Variants in KCNIP4 observed in about 807,000 individuals in gnomAD.
KCNIP4 encodes potassium voltage-gated channel interacting protein 4.
KCNIP4 carries 12 observed loss-of-function variants against 34.0 expected under a neutral mutation model. The observed-to-expected ratio is 0.35, with a 90% CI of 0.23 to 0.57. The LOEUF (loss-of-function observed/expected upper bound fraction) is 0.57, where lower values mean the gene tolerates loss of function less well. KCNIP4 is among the 20% of genes least tolerant of loss of function. The probability of loss-of-function intolerance (pLI) is 0.83; values close to 1 mark genes in which losing one functional copy is unlikely to be tolerated. For synonymous variants in KCNIP4, 124 were observed against 102.2 expected (o/e 1.21, Z -1.29); for missense variants, 238 against 311.7 (o/e 0.76, Z 1.78).
chr4:21,427,829 G>A (rs1311999756), intron 1 of KCNIP4, among the ~76,000 whole-genome samples: 1 of 152,138 alleles, frequency 6.6e-6, no homozygotes, highest in East Asian at 1.9e-4. Context: ...TAAGAAAACT[G>A]ACAGCCAGAA....
chr4:21,776,060 C>G (rs529018537), intron 1 of KCNIP4, among the ~76,000 whole-genome samples: 2 of 152,288 alleles, frequency 1.3e-5, no homozygotes, highest in South Asian at 4.1e-4. Context: ...GACACTAAGC[C>G]CTGGTGGCAT....
chr4:21,236,292 G>C (rs920381746), intron 1 of KCNIP4, among the ~76,000 whole-genome samples: 1 of 152,150 alleles, frequency 6.6e-6, no homozygotes, highest in Admixed American at 6.6e-5. Context: ...ATGGCAATGT[G>C]AATTTCACAT....
chr4:21,820,285 G>GTATATATATATATATATA (rs869204752), intron 1 of KCNIP4, among the ~76,000 whole-genome samples: 1 of 20,652 alleles, frequency 4.8e-5, no homozygotes, highest in African/African-American at 9.5e-5. Flanking sequence ...GTGTGTGTGT[G>GTATATATATATATATATA]TATATATATA....
chr4:21,589,507 A>C (rs1742002951), intron 1 of KCNIP4, among the ~76,000 whole-genome samples: 2 of 151,472 alleles, frequency 1.3e-5, no homozygotes, highest in South Asian at 4.2e-4. Context: ...GCAAGAAATA[A>C]AATATTAATG....
intron 1 of KCNIP4, among the ~76,000 whole-genome samples, chr4:21,079,666 G>A (rs1275414831): frequency 2.0e-5 from 3 of 151,868 alleles, no homozygotes; most frequent in Non-Finnish European, 4.4e-5. Context: ...GGGGAATTAA[G>A]GCTGTAAATG....
At chr4:21,555,809 G>T (rs1336027846) in intron 1 of KCNIP4, among the ~76,000 whole-genome samples, 1 of 152,096 alleles carries the variant, frequency 6.6e-6, no homozygotes, top group African/African-American at 2.4e-5. Context: ...ACAAAATTAG[G>T]ATTCCTGTGA....
At chr4:21,167,725 A>C (rs1324683275) in intron 1 of KCNIP4, among the ~76,000 whole-genome samples, 1 of 152,290 alleles carries the variant, frequency 6.6e-6, no homozygotes. Context: ...TTGCCTAAGA[A>C]AATTATACCC....
At chr4:21,750,634 A>T (rs1411685253) in intron 1 of KCNIP4, among the ~76,000 whole-genome samples, 1 of 152,204 alleles carries the variant, frequency 6.6e-6, no homozygotes, top group Non-Finnish European at 1.5e-5. Flanking sequence ...CCAAGAATTA[A>T]GTAGTTTTTA....
At chr4:21,647,775 T>G (rs1342948577) in intron 1 of KCNIP4, among the ~76,000 whole-genome samples, 1 of 150,528 alleles carries the variant, frequency 6.6e-6, no homozygotes, top group Non-Finnish European at 1.5e-5. Flanking sequence ...TCAACTTACG[T>G]ACCCCACTCA....
chr4:21,145,251 C>G (rs749143232), intron 1 of KCNIP4, among the ~76,000 whole-genome samples: 6 of 152,096 alleles, frequency 3.9e-5, no homozygotes, highest in Non-Finnish European at 7.4e-5. Flanking sequence ...AACTTAGAGT[C>G]TCTACTATCA....
chr4:21,527,225 A>G (rs796702731), intron 1 of KCNIP4, among the ~76,000 whole-genome samples: 5 of 152,302 alleles, frequency 3.3e-5, no homozygotes, highest in African/African-American at 1.2e-4. Context: ...TGATTATATT[A>G]AACATAAATA....
At chr4:21,003,437 C>T (rs1001647203) in intron 1 of KCNIP4, among the ~76,000 whole-genome samples, 1 of 152,164 alleles carries the variant, frequency 6.6e-6, no homozygotes, top group Non-Finnish European at 1.5e-5. Flanking sequence ...ATATAAAAGC[C>T]ACTTTACCTA....
rs1334303990 is a variant in KCNIP4, at chr4:21,664,572, G to GTTCAC, written c.61+283998_61+283999insGTGAA. On this transcript the variant is annotated intron_variant, in intron 1 of 8. Coordinates refer to ENST00000382152, the MANE Select transcript of KCNIP4 (RefSeq NM_025221.6). ...TGGGCCTATCTAGGAAGATAGCAAA[G>GTTCAC]TCGTTAAAAGTGAAGTTTCTGAGGT... is the stretch of plus-strand genomic sequence containing the variant. Among the ~76,000 whole-genome samples, 17 of 152,274 alleles carry GTTCAC rather than the reference G, an allele frequency of 1.1e-4. No individual in the cohort carries two copies. The South Asian group carries it at 3.5e-3, about 32-fold the overall frequency.
chr4:21,873,809 A>C (rs1452594683), intron 1 of KCNIP4, among the ~76,000 whole-genome samples: 1 of 152,232 alleles, frequency 6.6e-6, no homozygotes, highest in African/African-American at 2.4e-5. Context: ...GGAGTAATCA[A>C]TGCTGTCTGG....
chr4:21,438,011 A>G (rs1277500459), intron 1 of KCNIP4, among the ~76,000 whole-genome samples: 1 of 151,982 alleles, frequency 6.6e-6, no homozygotes, highest in Non-Finnish European at 1.5e-5. Flanking sequence ...TTTTCCAGCA[A>G]TAAGTTCTCT....
At chr4:20,877,355 G>C (rs557402738) in intron 2 of KCNIP4, among the ~76,000 whole-genome samples, 1 of 152,050 alleles carries the variant, frequency 6.6e-6, no homozygotes, top group Non-Finnish European at 1.5e-5. Context: ...GCATACCTTT[G>C]CAAATTGTCC....
At chr4:21,592,770 A>T (rs1742317041) in intron 1 of KCNIP4, among the ~76,000 whole-genome samples, 1 of 152,120 alleles carries the variant, frequency 6.6e-6, no homozygotes, top group African/African-American at 2.4e-5. Context: ...CTATATAGAG[A>T]TTCAACAAGA....
intron 1 of KCNIP4, among the ~76,000 whole-genome samples, chr4:20,998,765 G>A (rs540529188): frequency 9.2e-5 from 14 of 152,362 alleles, no homozygotes; most frequent in African/African-American, 3.1e-4. Context: ...TTGCAAAGAA[G>A]TACTCCAAAT....
intron 1 of KCNIP4, among the ~76,000 whole-genome samples, chr4:21,346,312 A>G (rs1717417724): frequency 2.2e-5 from 1 of 44,618 alleles, no homozygotes; most frequent in African/African-American, 8.1e-5. Context: ...TATATATTCT[A>G]TAGTGCCTAT....
Sources: gnomAD v4.1 joint callset for allele counts (sites outside exome capture counted in the v4.1 genomes callset) on GRCh38, gnomAD v4.1.1 for gene constraint, MANE v1.5 for transcripts, NCBI Gene and HGNC (gene_info 2026-07-23, HGNC 2026-07-21) for gene names.